The following KPNA3 variants were observed in gnomAD, a reference collection of about 807,000 sequenced individuals.
KPNA3 encodes the protein karyopherin subunit alpha 3.
A neutral mutation model predicts 73.8 loss-of-function variants in KPNA3; 13 were observed. The observed-to-expected ratio is 0.18, with a 90% CI of 0.11 to 0.28. The LOEUF (loss-of-function observed/expected upper bound fraction) is 0.28. KPNA3 is among the 10% of genes least tolerant of loss of function. The pLI is 1.00. For missense variants in KPNA3, 360 were observed against 618.1 expected, an observed-to-expected ratio of 0.58 and a Z score of 4.43; for synonymous variants, 186 against 206.9, an observed-to-expected ratio of 0.90 and a Z score of 0.87.
chr13:49,761,870 G>A (rs1376724842), intron 1 of KPNA3, among the ~76,000 whole-genome samples: 2 of 151,284 alleles, frequency 1.3e-5, no homozygotes, highest in East Asian at 3.9e-4. Flanking sequence ...GGGATGTGAG[G>A]AGCGCCTCTG....
Position 49,761,373 on chromosome 13 carries a change from C to T in KPNA3, c.70-14380G>A, listed in dbSNP as rs183392459. 6.1e-3 allele frequency among the ~76,000 whole-genome samples: 932 copies of T among 152,282 alleles called. 9 individuals are homozygous for T. Among genetic ancestry groups the T allele is most frequent in the Non-Finnish European group, 7.8e-3 (533 of 68,020 alleles). On this transcript the variant is annotated intron_variant, in intron 1 of 16. Coordinates refer to ENST00000261667, the MANE Select transcript of KPNA3 (RefSeq NM_002267.4). Reference sequence around the variant, plus strand: ...CCCGCCTCAGCCTGCCGAGTGCCTGCGATTGCAGGCGCACACCGCCACGCC... The same window carrying T: ...CCCGCCTCAGCCTGCCGAGTGCCTGTGATTGCAGGCGCACACCGCCACGCC...
At chr13:49,702,027 T>C in intron 16 of KPNA3, 129 bp from the exon 17 acceptor site, 1 of 612,266 alleles carries the variant, frequency 1.6e-6, no homozygotes, top group South Asian at 2.2e-5. Flanking sequence ...AATATTCGAG[T>C]AAATCAATAA....
At chr13:49,733,156 CAT>C in intron 2 of KPNA3, 110 bp from the exon 3 acceptor site, 1 of 715,402 alleles carries the variant, frequency 1.4e-6, no homozygotes, top group South Asian at 1.6e-5. Context: ...ATACTGAACA[CAT>C]AAGGATAATA....
rs552344520 is a variant in KPNA3, at chr13:49,782,633, C to T, written c.69+9805G>A. Among the ~76,000 whole-genome samples, 8 of 152,230 alleles carry T rather than the reference C, an allele frequency of 5.3e-5. 3 individuals carry two copies. The highest frequency in any genetic ancestry group is 5.2e-4 in the Admixed American group (8 of 15,278). On this transcript the variant is annotated intron_variant, in intron 1 of 16. Transcript: ENST00000261667. ...GTGGCTCATGCCTGTAATCCCAGCA[C>T]TTTGGGAGGCTGAGGTAGGTGAATC... is the stretch of plus-strand genomic sequence containing the variant.
intron 16 of KPNA3, among the ~76,000 whole-genome samples, chr13:49,702,153 A>G (rs1954154514): frequency 6.6e-6 from 1 of 152,190 alleles, no homozygotes; most frequent in African/African-American, 2.4e-5. Context: ...CACTTATATA[A>G]TTACTATTTC....
rs769131763 is a variant in KPNA3, at chr13:49,701,398, C to T, written c.*402G>A. ...ATCACACTGCACCTCTTTAGTCTTC[C>T]AACTTGTATATGCATCATACCAAAG... is the stretch of plus-strand genomic sequence containing the variant. On this transcript the variant is annotated 3_prime_UTR_variant, in exon 17 of 17. Transcript: ENST00000261667. 2 of 423,314 alleles carry T rather than the reference C, an allele frequency of 4.7e-6. No individual in the cohort carries two copies. Among genetic ancestry groups the T allele is most frequent in the Non-Finnish European group, 9.9e-6 (2 of 201,954 alleles). The allele number at this position is 423,314 out of a possible 1,614,324, so 26.2% of individuals were successfully genotyped here.
chr13:49,789,503 G>C (rs760112245), intron 1 of KPNA3, among the ~76,000 whole-genome samples: 2 of 151,852 alleles, frequency 1.3e-5, no homozygotes, highest in Admixed American at 1.3e-4. Context: ...CTAACATCTT[G>C]TGTATCAGCT....
intron 1 of KPNA3, among the ~76,000 whole-genome samples, chr13:49,779,495 A>G (rs575224039): frequency 1.4e-4 from 21 of 151,950 alleles, no homozygotes; most frequent in Non-Finnish European, 2.9e-4. Context: ...CATCTCACAC[A>G]TCTCTTATAT....
chr13:49,736,165 T>C (rs7990342), intron 2 of KPNA3, among the ~76,000 whole-genome samples: 6,741 of 152,244 alleles, frequency 0.044, 474 homozygotes, highest in African/African-American at 0.15. Context: ...TTTTAAGAAA[T>C]AGTCCAACCC....
At chr13:49,703,280 T>C (rs1954167754) in intron 15 of KPNA3, among the ~76,000 whole-genome samples, 1 of 148,620 alleles carries the variant, frequency 6.7e-6, no homozygotes, top group Non-Finnish European at 1.5e-5. Context: ...CCTCCTGGGT[T>C]CAAGTGTCTC....
rs1419858589 is a variant in KPNA3, at chr13:49,719,799, G to C, written c.747C>G (p.Val249=). Reference sequence around the variant, plus strand: ...CGTTTATATCTGTATGGTATATGAGGACACATAAAGCTGGCAAAATCTGAG... The same window carrying C: ...CGTTTATATCTGTATGGTATATGAGCACACATAAAGCTGGCAAAATCTGAG... ...TVQEILPALC[V]LIYHTDINIL... is the part of the protein sequence containing the mutation. The change falls in exon 10 of 17, where the codon GTC becomes GTG. Residue 249 remains valine, a synonymous_variant. Coordinates refer to ENST00000261667, the MANE Select transcript of KPNA3 (RefSeq NM_002267.4). 1.3e-6 allele frequency: 2 copies of C among 1,598,716 alleles called. No individual in the cohort carries two copies. The highest frequency in any genetic ancestry group is 1.7e-5 in the Admixed American group (1 of 59,370).
chr13:49,716,923 T>C (rs1350800380), intron 10 of KPNA3, among the ~76,000 whole-genome samples: 1 of 152,160 alleles, frequency 6.6e-6, no homozygotes, highest in South Asian at 2.1e-4. Context: ...AAAATCTGTA[T>C]TGTCTTTTGC....
chr13:49,786,053 CAT>C (rs1491433498), intron 1 of KPNA3, among the ~76,000 whole-genome samples: 1 of 152,148 alleles, frequency 6.6e-6, no homozygotes, highest in African/African-American at 2.4e-5. Context: ...TTTGCCTTAA[CAT>C]TTTTTTATTA....
chr13:49,792,165 C>T (rs941570296), intron 1 of KPNA3, among the ~76,000 whole-genome samples: 1 of 152,054 alleles, frequency 6.6e-6, no homozygotes, highest in East Asian at 1.9e-4. Flanking sequence ...GCTCCACATC[C>T]CCTCCTCGCC....
chr13:49,706,487 G>T, intron 12 of KPNA3, 115 bp from the exon 13 acceptor site: 1 of 666,952 alleles, frequency 1.5e-6, no homozygotes, highest in Non-Finnish European at 2.5e-6. Context: ...TAAAGAGACT[G>T]CACCTAAAAA....
At chr13:49,792,218 A>AT (rs913838136) in intron 1 of KPNA3, among the ~76,000 whole-genome samples, 1 of 151,660 alleles carries the variant, frequency 6.6e-6, no homozygotes, top group Non-Finnish European at 1.5e-5. Flanking sequence ...AAACGCCGGC[A>AT]TTTCCCGGTC....
intron 1 of KPNA3, among the ~76,000 whole-genome samples, chr13:49,780,413 A>G (rs1056784236): frequency 6.6e-6 from 1 of 152,122 alleles, no homozygotes; most frequent in Non-Finnish European, 1.5e-5. Context: ...ATTAGTCCTA[A>G]TAACTTTTTC....
intron 2 of KPNA3, among the ~76,000 whole-genome samples, chr13:49,735,459 G>GA (rs1191999261): frequency 6.6e-6 from 1 of 152,032 alleles, no homozygotes; most frequent in South Asian, 2.1e-4. Flanking sequence ...ACAAGCCAAG[G>GA]AAAAATAATC....
intron 7 of KPNA3, among the ~76,000 whole-genome samples, chr13:49,723,223 T>C (rs1954376702): frequency 1.3e-5 from 2 of 152,188 alleles, no homozygotes; most frequent in African/African-American, 4.8e-5. Flanking sequence ...TTCATATTTA[T>C]ACAGAGTTGT....
Sources: gnomAD v4.1 joint callset for allele counts (sites outside exome capture counted in the v4.1 genomes callset) on GRCh38, gnomAD v4.1.1 for gene constraint, MANE v1.5 for transcripts, NCBI Gene and HGNC (gene_info 2026-07-23, HGNC 2026-07-21) for gene names.